The following RAD51AP2 variants were observed in gnomAD, a reference collection of about 807,000 sequenced individuals.
The protein encoded by RAD51AP2 is RAD51 associated protein 2.
Under a neutral mutation model 85.5 loss-of-function variants are expected in RAD51AP2, and 67 were observed. The ratio of observed to expected loss-of-function variants is 0.78; its 90% CI spans 0.64 to 0.96. The LOEUF is 0.96. Ranked by LOEUF, RAD51AP2 falls within the 40% of genes least tolerant of loss-of-function variation. The pLI is 0.00. For missense variants in RAD51AP2, 1,307 were observed against 1,332.4 expected (o/e 0.98, Z 0.30); for synonymous variants, 474 against 446.5 (o/e 1.06, Z -0.78).
chr2:17,518,228 A>G lies in RAD51AP2; in HGVS notation c.188T>C (p.Val63Ala), dbSNP rs200353996. Reference protein sequence around the residue: ...LVPRLSEAEKVWELSPRPFKG... With the variant: ...LVPRLSEAEKAWELSPRPFKG... ...GAAGGGTCTAGGGGACAACTCCCAG[A>G]CTTTTTCCGCCTCAGACAAGCGAGG... The change falls in exon 1 of 3, where the codon GTC (valine) becomes GCC (alanine). Residue 63 changes from valine to alanine, a missense_variant. Val to Ala is a moderately conservative substitution (Grantham distance 64). Transcript: ENST00000399080. 23 of 1,614,124 alleles carry G rather than the reference A, an allele frequency of 1.4e-5. No individual in the cohort carries two copies. The Admixed American group carries it at 3.3e-4, about 23-fold the overall frequency.
chr2:17,535,767 T>G, the RAD51AP2 span, among the ~76,000 whole-genome samples: 4 of 152,174 alleles, frequency 2.6e-5, no homozygotes, highest in Non-Finnish European at 5.9e-5. Flanking sequence ...GTTTGAGCCA[T>G]CTGTAACAAA....
the RAD51AP2 span, among the ~76,000 whole-genome samples, chr2:17,531,039 T>G: frequency 6.6e-6 from 1 of 152,374 alleles, no homozygotes; most frequent in East Asian, 1.9e-4. Flanking sequence ...TGTATCTATT[T>G]GTAAATGACC....
At chr2:17,513,133 A>G (rs1314509631) in intron 2 of RAD51AP2, among the ~76,000 whole-genome samples, 6 of 152,080 alleles carry the variant, frequency 3.9e-5, no homozygotes, top group Non-Finnish European at 7.4e-5. Context: ...CACCCTTGGT[A>G]CCACAAGGTG....
At chr2:17,515,107 A>G in intron 1 of RAD51AP2, 62 bp downstream of exon 1, 1 of 1,349,558 alleles carries the variant, frequency 7.4e-7, no homozygotes, top group Non-Finnish European at 1.0e-6. Context: ...CATTTGGCCT[A>G]CACAGAAAAA....
chr2:17,532,585 A>G, the RAD51AP2 span, among the ~76,000 whole-genome samples: 1 of 152,192 alleles, frequency 6.6e-6, no homozygotes, highest in African/African-American at 2.4e-5. Flanking sequence ...CAGAACAAAC[A>G]GCAGTCAGGA....
Position 17,518,131 on chromosome 2 carries a change from A to C in RAD51AP2, c.285T>G (p.Ser95Arg). The C allele has an allele frequency of 6.2e-7, 1 of 1,614,152 alleles. No individual in the cohort carries two copies. The highest frequency in any genetic ancestry group is 8.5e-7 in the Non-Finnish European group (1 of 1,180,022). Reference sequence around the variant, plus strand: ...ATTTCAGATTACATATCTGCTTCCCACTGACTGATTTCTCCACACACGAGT... The same window carrying C: ...ATTTCAGATTACATATCTGCTTCCCCCTGACTGATTTCTCCACACACGAGT... ...STDSCVEKSV[S>R]GKQICNLKCS... Residue 95 changes from serine (S) to arginine (R), a missense_variant, in exon 1 of 3, where the codon AGT becomes AGG. Around this residue, in one of 3 missense-constraint regions of RAD51AP2, gnomAD observed 635 missense variants for 643.6 expected, o/e 0.99. Transcript: ENST00000399080.
upstream of RAD51AP2, among the ~76,000 whole-genome samples, chr2:17,521,543 G>A (rs1662856451): frequency 6.6e-6 from 1 of 151,926 alleles, no homozygotes; most frequent in Non-Finnish European, 1.5e-5. Context: ...ACAGCAGTTA[G>A]AAAGGAAAAC....
chr2:17,527,129 A>G, the RAD51AP2 span, among the ~76,000 whole-genome samples: 1 of 152,194 alleles, frequency 6.6e-6, no homozygotes, highest in African/African-American at 2.4e-5. Context: ...GAAAATTATC[A>G]TGCTTCAGCC....
At chr2:17,513,970 A>G (rs202175330) in intron 2 of RAD51AP2, 42 bp downstream of exon 2, 5 of 1,024,334 alleles carry the variant, frequency 4.9e-6, no homozygotes, top group Non-Finnish European at 7.6e-6. Context: ...ATAATGCAAT[A>G]ATCATCTTAG....
At chr2:17,527,928 A>G in the RAD51AP2 span, among the ~76,000 whole-genome samples, 2 of 152,240 alleles carry the variant, frequency 1.3e-5, no homozygotes, top group Non-Finnish European at 2.9e-5. Flanking sequence ...GAAGGGCAGA[A>G]ACATCAGAAC....
At position 17,510,735 on chromosome 2, in the gene RAD51AP2, C is replaced by T; in HGVS notation, c.*69G>A. The stretch of plus-strand genomic sequence containing the variant: ...ATAAAGCAAGCCCCAAACCCCCAAG[C>T]TGGAAGAACATATATCCAAAGAAAA... On this transcript the variant is annotated 3_prime_UTR_variant, in exon 3 of 3. Transcript: ENST00000399080. The T allele has an allele frequency of 8.9e-7, 1 of 1,123,124 alleles. No individual in the cohort carries two copies. Among genetic ancestry groups the T allele is most frequent in the Non-Finnish European group, 1.2e-6 (1 of 828,760 alleles). 69.6% of individuals were successfully genotyped at this position (1,123,124 alleles called of 1,614,324 possible).
At chr2:17,519,004 T>A (rs570566783), upstream of RAD51AP2, among the ~76,000 whole-genome samples, 1 of 152,152 alleles carries the variant, frequency 6.6e-6, no homozygotes, top group African/African-American at 2.4e-5. Flanking sequence ...ATAAAGTGTG[T>A]TTGGGGGAAA....
At chr2:17,522,248 C>A (rs1662872814), upstream of RAD51AP2, among the ~76,000 whole-genome samples, 1 of 151,998 alleles carries the variant, frequency 6.6e-6, no homozygotes, top group Admixed American at 6.6e-5. Context: ...TCTACTCCCA[C>A]AACACAACTT....
chr2:17,530,407 TG>T, the RAD51AP2 span, among the ~76,000 whole-genome samples: 3 of 152,066 alleles, frequency 2.0e-5, no homozygotes, highest in South Asian at 6.2e-4. Flanking sequence ...AGATGAATAC[TG>T]GTGTCCCTAA....
chr2:17,522,101 T>A (rs993740432), upstream of RAD51AP2, among the ~76,000 whole-genome samples: 1 of 152,080 alleles, frequency 6.6e-6, no homozygotes, highest in African/African-American at 2.4e-5. Context: ...TTTTTCTTAA[T>A]AGAATATTAA....
At chr2:17,536,181 A>G in the RAD51AP2 span, among the ~76,000 whole-genome samples, 1 of 152,216 alleles carries the variant, frequency 6.6e-6, no homozygotes, top group Non-Finnish European at 1.5e-5. Context: ...AGGGAGAAAC[A>G]AGTCAGTAAG....
At chr2:17,513,898 T>C (rs1011293002) in intron 2 of RAD51AP2, 114 bp downstream of exon 2, 1 of 655,612 alleles carries the variant, frequency 1.5e-6, no homozygotes, top group Non-Finnish European at 2.7e-6. Context: ...TAAAAGGTGC[T>C]AAAACTTTGT....
chr2:17,531,964 A>T, the RAD51AP2 span, among the ~76,000 whole-genome samples: 3 of 152,152 alleles, frequency 2.0e-5, no homozygotes, highest in Non-Finnish European at 2.9e-5. Context: ...CCAAGACCAC[A>T]TCTAATAAGA....
chr2:17,530,378 C>T, the RAD51AP2 span, among the ~76,000 whole-genome samples: 1 of 151,956 alleles, frequency 6.6e-6, no homozygotes, highest in African/African-American at 2.4e-5. Flanking sequence ...TGGCAGCTTT[C>T]GAGAGGCACT....
Sources: allele counts gnomAD v4.1 joint callset (sites outside exome capture counted in the v4.1 genomes callset), GRCh38; gene constraint gnomAD v4.1.1; regional missense constraint gnomAD v4.1.1; transcripts MANE v1.5; gene names NCBI Gene and HGNC (gene_info 2026-07-23, HGNC 2026-07-21).